The following GARNL3 variants were observed in gnomAD, a reference collection of about 807,000 sequenced individuals.
The protein encoded by GARNL3 is GTPase-activating Rap/Ran-GAP domain-like protein 3.
GARNL3 carries 63 observed loss-of-function variants against 125.0 expected under a neutral mutation model. The observed-to-expected ratio is 0.50, with a 90% confidence interval of 0.41 to 0.62. The LOEUF is 0.62. GARNL3 is among the 20% of genes least tolerant of loss of function. The pLI, the probability that GARNL3 is intolerant of heterozygous loss-of-function variation, is 0.00. For missense variants in GARNL3, 994 were observed against 1,244.0 expected, an observed-to-expected ratio of 0.80 and a Z score of 3.02; for synonymous variants, 439 against 457.5, an observed-to-expected ratio of 0.96 and a Z score of 0.52.
At chr9:127,309,662 A>G (rs1057279853) in intron 2 of GARNL3, among the ~76,000 whole-genome samples, 4 of 152,206 alleles carry the variant, frequency 2.6e-5, no homozygotes, top group African/African-American at 9.7e-5. Flanking sequence ...CAGAAGAGCT[A>G]TTACTATATT....
intron 1 of GARNL3, among the ~76,000 whole-genome samples, chr9:127,281,960 A>G (rs113828498): frequency 2.3e-3 from 356 of 152,332 alleles, no homozygotes; most frequent in Middle Eastern, 0.017. Flanking sequence ...CAAAGATCCT[A>G]TACATCTTCC....
chr9:127,305,514 T>G (rs1344307621), intron 2 of GARNL3, among the ~76,000 whole-genome samples: 3 of 152,180 alleles, frequency 2.0e-5, no homozygotes, highest in African/African-American at 7.2e-5. Flanking sequence ...GTGTTTTGGT[T>G]AAGTATTCAG....
At chr9:127,297,744 A>T (rs529654100) in intron 2 of GARNL3, among the ~76,000 whole-genome samples, 2 of 152,352 alleles carry the variant, frequency 1.3e-5, no homozygotes, top group South Asian at 4.1e-4. Flanking sequence ...TAAAATTTAC[A>T]TCTTTATTAC....
intron 7 of GARNL3, among the ~76,000 whole-genome samples, chr9:127,331,797 T>C (rs1488397172): frequency 6.9e-6 from 1 of 144,692 alleles, no homozygotes; most frequent in Non-Finnish European, 1.5e-5. Context: ...AATGAGCTTT[T>C]AGTATAAATT....
chr9:127,255,459 A>C (rs2063480710), intron 2 of GARNL3, among the ~76,000 whole-genome samples: 1 of 152,234 alleles, frequency 6.6e-6, no homozygotes, highest in South Asian at 2.1e-4. Context: ...GAAATGAGTA[A>C]GTACATAGTA....
intron 1 of GARNL3, among the ~76,000 whole-genome samples, chr9:127,278,801 G>C (rs2064025948): frequency 6.6e-6 from 1 of 152,140 alleles, no homozygotes; most frequent in South Asian, 2.1e-4. Context: ...ATCCTTCCTT[G>C]CCTCTTCTAG....
intron 8 of GARNL3, among the ~76,000 whole-genome samples, chr9:127,332,777 CTG>C (rs556326535): frequency 2.0e-5 from 3 of 152,160 alleles, no homozygotes; most frequent in Non-Finnish European, 4.4e-5. Flanking sequence ...TAGTAAACAC[CTG>C]TGGTCCCAGG....
intron 1 of GARNL3, among the ~76,000 whole-genome samples, chr9:127,279,073 G>A (rs961122331): frequency 1.4e-4 from 21 of 152,268 alleles, no homozygotes; most frequent in Middle Eastern, 3.4e-3. Flanking sequence ...TGAATTTGGG[G>A]GGGGACACTA....
intron 9 of GARNL3, among the ~76,000 whole-genome samples, chr9:127,334,497 C>A (rs1829441612): frequency 6.6e-6 from 1 of 152,064 alleles, no homozygotes; most frequent in African/African-American, 2.4e-5. Context: ...GGGGATTGGG[C>A]CCCAGTTGTC....
intron 22 of GARNL3, among the ~76,000 whole-genome samples, chr9:127,376,762 T>TA (rs2131784870): frequency 6.6e-6 from 1 of 152,230 alleles, no homozygotes; most frequent in South Asian, 2.1e-4. Context: ...AAAATTGTCC[T>TA]AAAAAATGGC....
chr9:127,310,906 T>C (rs1188499713), intron 2 of GARNL3, among the ~76,000 whole-genome samples: 1 of 152,232 alleles, frequency 6.6e-6, no homozygotes, highest in Non-Finnish European at 1.5e-5. Context: ...AGATGTCAGA[T>C]TGGCATTGTG....
At chr9:127,376,352 G>T (rs1482699855) in intron 22 of GARNL3, among the ~76,000 whole-genome samples, 1 of 151,956 alleles carries the variant, frequency 6.6e-6, no homozygotes, top group African/African-American at 2.4e-5. Context: ...CCGAGTAGCT[G>T]GGACTACAGG....
intron 22 of GARNL3, among the ~76,000 whole-genome samples, chr9:127,380,045 T>C (rs1832157854): frequency 6.6e-6 from 1 of 151,992 alleles, no homozygotes; most frequent in Non-Finnish European, 1.5e-5. Flanking sequence ...CCAGGCGTGG[T>C]GGGGCACGCC....
intron 22 of GARNL3, among the ~76,000 whole-genome samples, chr9:127,370,132 G>A (rs534777111): frequency 3.5e-4 from 54 of 152,320 alleles, no homozygotes; most frequent in African/African-American, 1.3e-3. Context: ...GTTTTACAAG[G>A]CACAGTGGTC....
At chr9:127,336,520 G>C (rs1222967655) in intron 11 of GARNL3, among the ~76,000 whole-genome samples, 1 of 152,144 alleles carries the variant, frequency 6.6e-6, no homozygotes, top group Non-Finnish European at 1.5e-5. Flanking sequence ...CTATCCTTCA[G>C]TCATAAATGA....
chr9:127,227,774 G>A (rs2062939999), intron 1 of GARNL3, among the ~76,000 whole-genome samples: 1 of 152,010 alleles, frequency 6.6e-6, no homozygotes, highest in Non-Finnish European at 1.5e-5. Context: ...AAAGAAATTA[G>A]CCAGGCATGG....
At chr9:127,224,805 G>C (rs2062867933) in intron 1 of GARNL3, 1 of 151,420 alleles carries the variant, frequency 6.6e-6, no homozygotes, top group Non-Finnish European at 1.5e-5. Context: ...GGACAGTCGA[G>C]GTTAGGGTGG....
intron 2 of GARNL3, among the ~76,000 whole-genome samples, chr9:127,254,699 G>A (rs972910808): frequency 6.6e-6 from 1 of 151,844 alleles, no homozygotes; most frequent in Non-Finnish European, 1.5e-5. Flanking sequence ...AACCTGGGAG[G>A]TGGAGGTTAC....
chr9:127,375,467 GAA>G (rs1176190521), intron 22 of GARNL3, among the ~76,000 whole-genome samples: 4 of 78,068 alleles, frequency 5.1e-5, no homozygotes, highest in South Asian at 4.0e-4. Flanking sequence ...CTCTGTCTCA[GAA>G]AAAAAAAAAA....
Sources: allele counts gnomAD v4.1 joint callset (sites outside exome capture counted in the v4.1 genomes callset), GRCh38; gene constraint gnomAD v4.1.1; transcripts MANE v1.5; gene names NCBI Gene and HGNC (gene_info 2026-07-23, HGNC 2026-07-21).